The following TMCO1 variants were observed in gnomAD, a reference collection of about 807,000 sequenced individuals.
TMCO1 encodes calcium load-activated calcium channel.
A neutral mutation model predicts 29.3 loss-of-function variants in TMCO1; 29 were observed. The observed-to-expected ratio is 0.99, with a 90% CI of 0.74 to 1.35. TMCO1 has a LOEUF of 1.35. TMCO1 is among the 40% of genes most tolerant of loss of function. The probability of loss-of-function intolerance (pLI) is 0.00; values close to 1 mark genes in which losing one functional copy is unlikely to be tolerated. For synonymous variants in TMCO1, 80 were observed against 77.1 expected, an observed-to-expected ratio of 1.04 and a Z score of -0.20; for missense variants, 173 against 225.5, an observed-to-expected ratio of 0.77 and a Z score of 1.49.
intron 5 of TMCO1, among the ~76,000 whole-genome samples, chr1:165,747,011 A>G (rs528656500): frequency 6.6e-6 from 1 of 152,322 alleles, no homozygotes; most frequent in East Asian, 1.9e-4. Context: ...CTGTAATCCC[A>G]GCATTTTGGG....
downstream of TMCO1, chr1:165,726,004 T>C (rs1481960840): frequency 4.4e-6 from 3 of 685,688 alleles, no homozygotes; most frequent in East Asian, 8.2e-5. Context: ...GAAGTCTGAT[T>C]AGAAAGCACC....
intron 4 of TMCO1, among the ~76,000 whole-genome samples, chr1:165,752,494 A>AC (rs980319851): frequency 7.4e-5 from 11 of 148,270 alleles, no homozygotes; most frequent in East Asian, 4.0e-4. Context: ...TGACCTTGTG[A>AC]CCCCCCCGCC....
intron 1 of TMCO1, 39 bp downstream of exon 1, chr1:165,768,643 C>A: frequency 6.2e-7 from 1 of 1,613,912 alleles, no homozygotes; most frequent in South Asian, 1.1e-5. Flanking sequence ...CCCTTCCTCC[C>A]GGGGACTGAT....
chr1:165,729,598 G>GC (rs1459537720), intron 6 of TMCO1, among the ~76,000 whole-genome samples: 1 of 152,094 alleles, frequency 6.6e-6, no homozygotes, highest in African/African-American at 2.4e-5. Context: ...GGGATTACAG[G>GC]CATGAGCCAC....
chr1:165,768,244 C>T lies in TMCO1; in HGVS notation c.96G>A (p.Arg32=). Reference sequence around the variant, plus strand: ...CCTTCAGTCTCTTGTACTTGTCTGTCCTGTAAACCAGGACCCAGGTTATGC... The same window carrying T: ...CCTTCAGTCTCTTGTACTTGTCTGTTCTGTAAACCAGGACCCAGGTTATGC... The part of the protein sequence containing the change: ...AEGITWVLVY[R]TDKYKRLKAE... The change falls in exon 2 of 7, where the codon AGG becomes AGA. Residue 32 remains arginine (R), a synonymous_variant. Transcript: ENST00000367881. 3 of 1,614,030 alleles carry T rather than the reference C, an allele frequency of 1.9e-6. No homozygotes were observed. The highest frequency in any genetic ancestry group is 1.7e-6 in the Non-Finnish European group (2 of 1,180,014).
intron 1 of TMCO1, 70 bp downstream of exon 1, chr1:165,768,612 G>A: frequency 1.2e-6 from 2 of 1,612,058 alleles, no homozygotes; most frequent in Non-Finnish European, 1.7e-6. Context: ...CTTTCCCCTG[G>A]TGGCACAGGG....
intron 3 of TMCO1, among the ~76,000 whole-genome samples, chr1:165,757,209 T>C (rs1475460553): frequency 6.6e-6 from 1 of 152,228 alleles, no homozygotes; most frequent in Non-Finnish European, 1.5e-5. Flanking sequence ...TGTAATGTTG[T>C]GGATGTTTTT....
chr1:165,725,030 A>C (rs774110046), downstream of TMCO1: 725 of 161,688 alleles, frequency 4.5e-3, 3 homozygotes, highest in Middle Eastern at 0.022. Flanking sequence ...CTCTCTATAT[A>C]TATATATATA....
chr1:165,735,230 T>C (rs1651321339), intron 6 of TMCO1, among the ~76,000 whole-genome samples: 1 of 152,192 alleles, frequency 6.6e-6, no homozygotes, highest in African/African-American at 2.4e-5. Flanking sequence ...AGCTCCTTCT[T>C]TGAGGATCAG....
At chr1:165,752,294 TC>T (rs1483388884) in intron 4 of TMCO1, 125 bp from the exon 5 acceptor site, 9 of 726,034 alleles carry the variant, frequency 1.2e-5, no homozygotes, top group Non-Finnish European at 2.1e-5. Flanking sequence ...TTGCTCTGTC[TC>T]CCAGGCTGGA....
At chr1:165,734,844 A>T (rs972809086) in intron 6 of TMCO1, among the ~76,000 whole-genome samples, 1 of 152,004 alleles carries the variant, frequency 6.6e-6, no homozygotes, top group African/African-American at 2.4e-5. Flanking sequence ...GTTTTTTTGC[A>T]CACAATTCAC....
At chr1:165,747,970 C>T (rs754058046) in intron 5 of TMCO1, among the ~76,000 whole-genome samples, 1 of 152,082 alleles carries the variant, frequency 6.6e-6, no homozygotes, top group Non-Finnish European at 1.5e-5. Context: ...ACCAGCCTTG[C>T]CAACATGGTG....
intron 5 of TMCO1, among the ~76,000 whole-genome samples, chr1:165,749,958 A>G (rs906724403): frequency 6.6e-6 from 1 of 152,144 alleles, no homozygotes; most frequent in Non-Finnish European, 1.5e-5. Flanking sequence ...ACAAATTATC[A>G]AAAAAATGAA....
At chr1:165,743,987 G>A (rs561911608) in intron 5 of TMCO1, among the ~76,000 whole-genome samples, 5 of 151,852 alleles carry the variant, frequency 3.3e-5, no homozygotes, top group Admixed American at 2.6e-4. Context: ...AGCCTCCCGA[G>A]TAGCTGGGAT....
chr1:165,745,384 C>T (rs977964032), intron 5 of TMCO1, among the ~76,000 whole-genome samples: 2 of 149,498 alleles, frequency 1.3e-5, no homozygotes, highest in Non-Finnish European at 3.0e-5. Flanking sequence ...GTCTCATAAT[C>T]CCAGCACTTT....
chr1:165,737,335 A>G (rs1651427624), intron 6 of TMCO1, among the ~76,000 whole-genome samples: 1 of 147,420 alleles, frequency 6.8e-6, no homozygotes, highest in Non-Finnish European at 1.5e-5. Flanking sequence ...TGAAGAACAG[A>G]AAAAAAAAAA....
At chr1:165,729,678 T>A (rs925567004) in intron 6 of TMCO1, among the ~76,000 whole-genome samples, 1 of 152,202 alleles carries the variant, frequency 6.6e-6, no homozygotes, top group Non-Finnish European at 1.5e-5. Context: ...CTTGCCCAGT[T>A]CCTTCATTTT....
At position 165,768,673 on chromosome 1, in the gene TMCO1, C is replaced by A. The variant is rs1267839255; in HGVS notation, c.70+9G>T. The A allele has an allele frequency of 3.1e-6, 5 of 1,613,980 alleles. No individual in the cohort carries two copies. Among genetic ancestry groups the A allele is most frequent in the Non-Finnish European group, 3.4e-6 (4 of 1,180,032 alleles). On this transcript the variant is annotated intron_variant, in intron 1 of 6. Coordinates refer to ENST00000367881, the MANE Select transcript of TMCO1 (RefSeq NM_019026.6). ...ACTGATCAAACGTCTGAGAAATACC[C>A]GCTCTCACCCTCTGCGAGCAGAGCC... is the stretch of plus-strand genomic sequence containing the variant.
intron 5 of TMCO1, 126 bp from the exon 6 acceptor site, chr1:165,743,437 T>A: frequency 1.0e-6 from 1 of 958,624 alleles, no homozygotes; most frequent in Non-Finnish European, 1.6e-6. Flanking sequence ...AAAGAGAGGG[T>A]GACATGCTAA....
Sources: allele counts gnomAD v4.1 joint callset (sites outside exome capture counted in the v4.1 genomes callset), GRCh38; gene constraint gnomAD v4.1.1; transcripts MANE v1.5; gene names NCBI Gene and HGNC (gene_info 2026-07-23, HGNC 2026-07-21).